TEP1: variants seen among roughly 807,000 people sequenced by gnomAD.
TEP1 encodes the protein telomerase associated protein 1.
TEP1 carries 241 observed loss-of-function variants against 306.3 expected under a neutral mutation model. The ratio of observed to expected loss-of-function variants is 0.79; its 90% CI spans 0.71 to 0.88. TEP1 has a LOEUF of 0.88. Ranked by LOEUF, TEP1 falls within the 40% of genes least tolerant of loss-of-function variation. The pLI, the probability that TEP1 is intolerant of heterozygous loss-of-function variation, is 0.00. For missense variants in TEP1, 3,051 were observed against 3,276.1 expected, an observed-to-expected ratio of 0.93 and a Z score of 1.68; for synonymous variants, 1,289 against 1,305.5, an observed-to-expected ratio of 0.99 and a Z score of 0.27.
chr14:20,411,834 T>C (rs1879699874), intron 1 of TEP1, among the ~76,000 whole-genome samples: 1 of 152,130 alleles, frequency 6.6e-6, no homozygotes, highest in African/African-American at 2.4e-5. Flanking sequence ...ATTTTCTGGC[T>C]GGGTGTGGTG....
Position 20,403,834 on chromosome 14 carries a change from G to A in TEP1, c.1083C>T (p.Leu361=). 6.2e-7 allele frequency: 1 copy of A among 1,614,184 alleles called. No individual in the cohort carries two copies. Among genetic ancestry groups the A allele is most frequent in the South Asian group, 1.1e-5 (1 of 91,080 alleles). Residue 361 remains leucine, a synonymous_variant, in exon 6 of 55, where the codon CTC becomes CTT. Coordinates refer to ENST00000262715, the MANE Select transcript of TEP1 (RefSeq NM_007110.5). ...KNKLVPLPAC[L]RTAMTDKFAQ... Reference sequence around the variant, plus strand: ...CAAATTTGTCCGTCATGGCAGTACGGAGACAGGCGGGCAGGGGCACCAGCT... The same window carrying A: ...CAAATTTGTCCGTCATGGCAGTACGAAGACAGGCGGGCAGGGGCACCAGCT...
At chr14:20,382,759 C>G (rs757445198) in intron 27 of TEP1, 44 bp from the exon 28 acceptor site, 1 of 1,577,174 alleles carries the variant, frequency 6.3e-7, no homozygotes, top group Non-Finnish European at 8.7e-7. Context: ...GAGGGCTGCC[C>G]GCAGCCAGCC....
chr14:20,371,271 C>A lies in TEP1; in HGVS notation c.7264G>T (p.Glu2422Ter), dbSNP rs777393703. Residue 2422 changes from glutamate (E) to a stop codon, truncating the protein, a stop_gained, in exon 51 of 55, where the codon GAG becomes TAG. Transcript: ENST00000262715. LOFTEE classifies it high-confidence loss of function. ...ENPMILSTHK[E>*]YGIFVLQPKD... Reference sequence around the variant, plus strand: ...GGCTGCAGGACAAATATGCCATACTCCTTGTGGGTGGACAATATCATAGGA... The same window carrying A: ...GGCTGCAGGACAAATATGCCATACTACTTGTGGGTGGACAATATCATAGGA... 6.2e-7 allele frequency: 1 copy of A among 1,614,156 alleles called. No individual in the cohort carries two copies. The highest frequency in any genetic ancestry group is 1.1e-5 in the South Asian group (1 of 91,082).
intron 7 of TEP1, among the ~76,000 whole-genome samples, chr14:20,402,309 A>AAAAT (rs894860483): frequency 1.3e-5 from 2 of 152,228 alleles, no homozygotes; most frequent in South Asian, 2.1e-4. Context: ...CTTCGTCTCA[A>AAAAT]AAATAAATAA....
chr14:20,403,495 C>G (rs1878924642), intron 6 of TEP1, 47 bp from the exon 7 acceptor site: 2 of 1,611,722 alleles, frequency 1.2e-6, no homozygotes, highest in Non-Finnish European at 1.7e-6. Flanking sequence ...ACTGGCTGTC[C>G]TTGAAGAGAT....
Position 20,406,248 on chromosome 14 carries a change from G to A in TEP1, c.720C>T (p.Val240=). The change falls in exon 3 of 55, where the codon GTC becomes GTT. Residue 240 remains valine (V), a synonymous_variant. Transcript: ENST00000262715. The stretch of plus-strand genomic sequence containing the variant: ...GAATTTTTACCTTCTTTTCCTGAAG[G>A]ACATGGTCAGTAGGCTCTGGATGAG... ...SESHPEPTDH[V]LQEKKMALLS... The A allele has an allele frequency of 1.2e-6, 2 of 1,613,858 alleles. No homozygotes were observed. The highest frequency in any genetic ancestry group is 1.7e-6 in the Non-Finnish European group (2 of 1,179,970).
chr14:20,372,992 C>A lies in TEP1; in HGVS notation c.6951+19G>T, dbSNP rs933417545. On this transcript the variant is annotated intron_variant, in intron 48 of 54. Coordinates refer to ENST00000262715, the MANE Select transcript of TEP1 (RefSeq NM_007110.5). ...GGTAGAATTCACACAGACAAAGAAC[C>A]AAGGGTACACCGACTCACCTGTGCT... 8 of 1,613,972 alleles carry A rather than the reference C, an allele frequency of 5.0e-6. No homozygotes were observed. In the African/African-American group the frequency reaches 1.1e-4, roughly 22 times the overall value.
At position 20,366,953 on chromosome 14, in the gene TEP1, T is replaced by C. The variant is rs1444405224; in HGVS notation, c.*1484A>G. On this transcript the variant is annotated 3_prime_UTR_variant, in exon 55 of 55. Transcript: ENST00000262715. ...AGCTCTAGTTGTCTGTCTCCCATGC[T>C]CTGAAAATTCTACAAAACACCCCAG... The C allele has an allele frequency of 6.6e-6, 1 of 152,224 alleles. No homozygotes were observed. The highest frequency in any genetic ancestry group is 1.5e-5 in the Non-Finnish European group (1 of 68,052). 9.4% of individuals were successfully genotyped at this position (152,224 alleles called of 1,614,324 possible). A position where few individuals can be genotyped will look rare whatever the true frequency, so the allele number is the denominator to read the frequency against.
Position 20,367,103 on chromosome 14 carries a change from C to T in TEP1, c.*1334G>A, listed in dbSNP as rs1480488726. On this transcript the variant is annotated 3_prime_UTR_variant, in exon 55 of 55. Transcript: ENST00000262715. The stretch of plus-strand genomic sequence containing the variant: ...TATGGGCCGGGCACAATGGCTCACG[C>T]CTGTAATCCCAGAACTTTAAGAGGC... 6.6e-6 allele frequency: 1 copy of T among 152,218 alleles called. No homozygotes were observed. The highest frequency in any genetic ancestry group is 6.5e-5 in the Admixed American group (1 of 15,284). The allele number at this position is 152,218 out of a possible 1,614,324, so 9.4% of individuals were successfully genotyped here.
intron 7 of TEP1, 147 bp downstream of exon 7, chr14:20,403,230 T>C: frequency 1.1e-6 from 1 of 876,236 alleles, no homozygotes; most frequent in Admixed American, 2.6e-5. Flanking sequence ...CACATGCCTT[T>C]CCCAGTGCTC....
chr14:20,369,453 G>C lies in TEP1; in HGVS notation c.7547C>G (p.Thr2516Ser). ...GCAGGTAGATGGGTCTGTCCCTGGA[G>C]TTTGGGTTTCTGGAGTGTTTGCTTT... The part of the protein sequence containing the change: ...QKKANTPETQ[T>S]PGTDPSTCRE... The change falls in exon 53 of 55, where the codon ACT becomes AGT. Residue 2516 changes from threonine (T) to serine (S), a missense_variant. This residue lies in a region of TEP1 where 1,540 missense variants were observed against 1,705.9 expected (regional missense o/e 0.90). Transcript: ENST00000262715. 6.2e-7 allele frequency: 1 copy of C among 1,614,198 alleles called. No homozygotes were observed. Among genetic ancestry groups the C allele is most frequent in the African/African-American group, 1.3e-5 (1 of 75,050 alleles).
Position 20,384,162 on chromosome 14 carries a change from A to G in TEP1, c.3410T>C (p.Leu1137Pro). The G allele has an allele frequency of 1.2e-6, 2 of 1,614,168 alleles. No individual in the cohort carries two copies. Among genetic ancestry groups the G allele is most frequent in the Non-Finnish European group, 1.7e-6 (2 of 1,180,024 alleles). ...DDLVQATFQQ[L>P]QKPPSPARPR... is the part of the protein sequence containing the mutation. The stretch of plus-strand genomic sequence containing the variant: ...CCGGGCAGGACTCGGTGGCTTCTGC[A>G]GCTGCTGGAAGGTGGCCTGGACCAA... Residue 1137 changes from leucine (L) to proline (P), a missense_variant, in exon 24 of 55, where the codon CTG becomes CCG. Around this residue, in one of 3 missense-constraint regions of TEP1, gnomAD observed 1,507 missense variants for 1,550.5 expected, o/e 0.97. Coordinates refer to ENST00000262715, the MANE Select transcript of TEP1 (RefSeq NM_007110.5).
Position 20,381,207 on chromosome 14 carries a change from A to G in TEP1, c.4647+106T>C. 4 of 1,283,758 alleles carry G rather than the reference A, an allele frequency of 3.1e-6. No individual in the cohort carries two copies. Among genetic ancestry groups the G allele is most frequent in the Non-Finnish European group, 4.5e-6 (4 of 880,560 alleles). 79.5% of individuals were successfully genotyped at this position (1,283,758 alleles called of 1,614,324 possible). ...AGGAAAGAGGTCAAGGGAGTTTGGG[A>G]GGGGTAATGGCGGCGGTGATGGTGG... On this transcript the variant is annotated intron_variant, in intron 32 of 54. Coordinates refer to ENST00000262715, the MANE Select transcript of TEP1 (RefSeq NM_007110.5). The surrounding 1 kb of genome is among the most constrained non-coding windows in gnomAD (Gnocchi z 4.0).
In TEP1 at chr14:20,391,767, T is replaced by C. The variant is rs1262635703; in HGVS notation, c.1929A>G (p.Arg643=). 1.9e-6 allele frequency: 3 copies of C among 1,613,644 alleles called. 1 individual carries two copies. In the South Asian group the frequency reaches 3.3e-5, roughly 18 times the overall value. ...KREKLRVHKA[R]QWKYDGEMLN... ...GCATCTCACCATCATATTTCCACTG[T>C]CTACATGCAAGAAAGACACAGACAC... Residue 643 remains arginine, a splice_region_variant and synonymous_variant, in exon 13 of 55, where the codon AGA becomes AGG. Coordinates refer to ENST00000262715, the MANE Select transcript of TEP1 (RefSeq NM_007110.5).
In TEP1 at chr14:20,385,005, G is replaced by C; in HGVS notation, c.3087C>G (p.Phe1029Leu). Residue 1029 changes from phenylalanine to leucine, a missense_variant, in exon 21 of 55, where the codon TTC becomes TTG. Phe to Leu is a conservative substitution (Grantham distance 22, BLOSUM62 0). Around this residue, in one of 3 missense-constraint regions of TEP1, gnomAD observed 1,507 missense variants for 1,550.5 expected, o/e 0.97. Transcript: ENST00000262715. ...LQPSAQALIYFRDSSFLSSVP... is the reference protein window; with the variant it reads ...LQPSAQALIYLRDSSFLSSVP... ...AGTACCTGAGGAAGCTGGAATCCCG[G>C]AAGTAGATGAGAGCTTGGGCAGAGG... 1.9e-6 allele frequency: 3 copies of C among 1,614,214 alleles called. No individual in the cohort carries two copies. The highest frequency in any genetic ancestry group is 2.5e-6 in the Non-Finnish European group (3 of 1,180,046).
chr14:20,391,881 AC>A, intron 12 of TEP1, 114 bp from the exon 13 acceptor site: 1 of 1,158,448 alleles, frequency 8.6e-7, no homozygotes, highest in Middle Eastern at 2.2e-4. Context: ...TCCCTCAAGC[AC>A]CATACCCGCT....
chr14:20,375,707 C>A (rs775751663), intron 43 of TEP1, 48 bp downstream of exon 43: 7 of 1,302,810 alleles, frequency 5.4e-6, no homozygotes, highest in Non-Finnish European at 7.8e-6. Flanking sequence ...TGTTGTCTTG[C>A]CCCAGGAACC....
intron 1 of TEP1, among the ~76,000 whole-genome samples, chr14:20,409,878 C>T (rs1594381792): frequency 6.6e-6 from 1 of 151,614 alleles, no homozygotes; most frequent in Admixed American, 6.6e-5. Context: ...AAAAATTAGC[C>T]AGGCAGGGTG....
intron 47 of TEP1, 28 bp downstream of exon 47, chr14:20,373,242 A>G: frequency 6.2e-7 from 1 of 1,612,812 alleles, no homozygotes; most frequent in African/African-American, 1.3e-5. Flanking sequence ...CCAGTAACAC[A>G]CCCTGTCTCT....
Sources: allele counts gnomAD v4.1 joint callset (sites outside exome capture counted in the v4.1 genomes callset), GRCh38; gene constraint gnomAD v4.1.1; regional missense constraint gnomAD v4.1.1; non-coding constraint Gnocchi (gnomAD v3.1); transcripts MANE v1.5; gene names NCBI Gene and HGNC (gene_info 2026-07-23, HGNC 2026-07-21).